Variants in CERKL observed in about 807,000 individuals in gnomAD.
CERKL encodes ceramide kinase-like protein.
CERKL carries 61 observed loss-of-function variants against 63.4 expected under a neutral mutation model. The observed-to-expected ratio is 0.96, with a 90% CI of 0.78 to 1.19. The LOEUF (loss-of-function observed/expected upper bound fraction) is 1.19, where lower values mean the gene tolerates loss of function less well. Among genes scored for constraint, CERKL ranks in the 50% most tolerant of loss-of-function variants. The pLI, the probability that CERKL is intolerant of heterozygous loss-of-function variation, is 0.00. For synonymous variants in CERKL, 250 were observed against 230.5 expected, an observed-to-expected ratio of 1.08 and a Z score of -0.77; for missense variants, 675 against 655.5, an observed-to-expected ratio of 1.03 and a Z score of -0.33.
chr2:181,604,787 A>T (rs1290812525), intron 1 of CERKL, among the ~76,000 whole-genome samples: 1 of 152,250 alleles, frequency 6.6e-6, no homozygotes, highest in African/African-American at 2.4e-5. Flanking sequence ...AAGTACAATT[A>T]TTGTGAGTAG....
intron 10 of CERKL, 112 bp from the exon 11 acceptor site, chr2:181,544,908 A>G: frequency 1.7e-6 from 1 of 601,030 alleles, no homozygotes. Context: ...AGTATTGGAC[A>G]AGATAGATAA....
intron 2 of CERKL, among the ~76,000 whole-genome samples, chr2:181,574,736 A>C (rs1190274661): frequency 6.6e-6 from 1 of 152,224 alleles, no homozygotes; most frequent in Non-Finnish European, 1.5e-5. Context: ...AGATTAAACA[A>C]GCAGTTATTA....
Position 181,558,616 on chromosome 2 carries a change from C to A in CERKL, c.770G>T (p.Arg257Leu), listed in dbSNP as rs762961333. ...CTGTGCTCTGACAGGAGTCAGGATT[C>A]GGTCTGTTTCCATCCCAGCATTCTT... ...AQKNAGMETD[R>L]ILTPVRAQLP... Residue 257 changes from arginine (R) to leucine (L), a missense_variant, in exon 5 of 13, where the codon CGA becomes CTA. Physicochemically the swap from Arg to Leu is moderately radical, Grantham distance 102 (BLOSUM62 -2). Transcript: ENST00000410087. This position sits in a 1 kb window ranked among gnomAD's most constrained non-coding sequence, Gnocchi z 4.2. 1 of 1,613,724 alleles carries A rather than the reference C, an allele frequency of 6.2e-7. No individual in the cohort carries two copies. The highest frequency in any genetic ancestry group is 1.1e-5 in the South Asian group (1 of 91,078).
Position 181,547,669 on chromosome 2 carries a change from G to A in CERKL, c.1217C>T (p.Ala406Val). The change falls in exon 10 of 13, where the codon GCA (alanine) becomes GTA (valine). Residue 406 changes from alanine (A) to valine (V), a missense_variant. By Grantham distance (64) the Ala-to-Val change is moderately conservative. Transcript: ENST00000410087. ...QGQFLNVSIMAIPCLCSVAPR... is the reference protein window; with the variant it reads ...QGQFLNVSIMVIPCLCSVAPR... ...TGCCACTGAACACAGGCAAGGAATT[G>A]CCATAATGCTGACATTCAAGAACTG... The A allele has an allele frequency of 1.9e-6, 3 of 1,614,046 alleles. No homozygotes were observed. The highest frequency in any genetic ancestry group is 3.3e-4 in the Middle Eastern group (2 of 6,062).
Position 181,544,947 on chromosome 2 carries a change from A to G in CERKL, c.1269-151T>C, listed in dbSNP as rs994598923. ...ACCATGTTACGTTTACCTAAAATTC[A>G]TAAACCGTATCTTGCTATTTTTTAA... On this transcript the variant is annotated intron_variant, in intron 10 of 12. Coordinates refer to ENST00000410087, the MANE Select transcript of CERKL (RefSeq NM_201548.5). 5.6e-6 allele frequency: 3 copies of G among 535,574 alleles called. No homozygotes were observed. In the African/African-American group the frequency reaches 5.8e-5, roughly 10 times the overall value. 33.2% of individuals were successfully genotyped at this position (535,574 alleles called of 1,614,324 possible).
chr2:181,559,806 C>G (rs1171371497), intron 4 of CERKL, among the ~76,000 whole-genome samples: 2 of 152,286 alleles, frequency 1.3e-5, no homozygotes, highest in Admixed American at 1.3e-4. Context: ...TCTTTCCAGT[C>G]AGTTCCCACC....
chr2:181,537,230 G>A lies in CERKL; in HGVS notation c.*954C>T, dbSNP rs11553356. 1 of 452,766 alleles carries A rather than the reference G, an allele frequency of 2.2e-6. No individual in the cohort carries two copies. Among genetic ancestry groups the A allele is most frequent in the Non-Finnish European group, 4.4e-6 (1 of 226,010 alleles). The allele number at this position is 452,766 out of a possible 1,614,324, so 28.0% of individuals were successfully genotyped here. A position where few individuals can be genotyped will look rare whatever the true frequency, so the allele number is the denominator to read the frequency against. ...GATTTAGAACTGTCTTCTCCAGGAT[G>A]GTCTCTAAGGAAATTTACATTTGGT... On this transcript the variant is annotated 3_prime_UTR_variant, in exon 13 of 13. Coordinates refer to ENST00000410087, the MANE Select transcript of CERKL (RefSeq NM_201548.5).
chr2:181,655,395 C>T (rs1386140017), intron 1 of CERKL, among the ~76,000 whole-genome samples: 2 of 152,178 alleles, frequency 1.3e-5, no homozygotes, highest in Non-Finnish European at 2.9e-5. Context: ...GCTCTTTGGG[C>T]TAATCCAAAC....
intron 2 of CERKL, among the ~76,000 whole-genome samples, chr2:181,593,305 G>T (rs74383478): frequency 6.6e-6 from 1 of 152,106 alleles, no homozygotes; most frequent in Non-Finnish European, 1.5e-5. Flanking sequence ...GCTATCTAGC[G>T]TGATCATCCT....
intron 1 of CERKL, among the ~76,000 whole-genome samples, chr2:181,637,872 T>G (rs76957970): frequency 1.1e-4 from 17 of 152,058 alleles, no homozygotes; most frequent in Non-Finnish European, 2.5e-4. Flanking sequence ...TAAAACATAG[T>G]AATTTGACTA....
At chr2:181,586,674 CA>C (rs543873061) in intron 2 of CERKL, among the ~76,000 whole-genome samples, 117 of 152,180 alleles carry the variant, frequency 7.7e-4, no homozygotes, top group Non-Finnish European at 1.4e-3. Flanking sequence ...ACAGAATGGC[CA>C]ACTGTTCCTC....
At chr2:181,652,843 C>T (rs528275581) in intron 1 of CERKL, among the ~76,000 whole-genome samples, 54 of 151,516 alleles carry the variant, frequency 3.6e-4, no homozygotes, top group African/African-American at 1.2e-3. Flanking sequence ...GGCACTATCT[C>T]GGCTCACTGC....
intron 1 of CERKL, among the ~76,000 whole-genome samples, chr2:181,655,655 TAG>T (rs1688123547): frequency 6.6e-6 from 1 of 152,256 alleles, no homozygotes; most frequent in African/African-American, 2.4e-5. Context: ...TTCATTTTGT[TAG>T]ACTTTTGAGC....
intron 1 of CERKL, among the ~76,000 whole-genome samples, chr2:181,614,631 G>T (rs1427378860): frequency 6.6e-6 from 1 of 152,036 alleles, no homozygotes; most frequent in Non-Finnish European, 1.5e-5. Flanking sequence ...TGATTCCCAT[G>T]CTAGCCACTT....
intron 3 of CERKL, among the ~76,000 whole-genome samples, chr2:181,570,980 T>C (rs1317664059): frequency 6.6e-6 from 1 of 152,144 alleles, no homozygotes; most frequent in Non-Finnish European, 1.5e-5. Context: ...CTCTTCCATA[T>C]ACTTTCAAAT....
At chr2:181,572,503 AT>A (rs1688948794) in intron 3 of CERKL, among the ~76,000 whole-genome samples, 2 of 152,210 alleles carry the variant, frequency 1.3e-5, no homozygotes, top group Non-Finnish European at 2.9e-5. Context: ...CAATATGTTT[AT>A]TCAACTTTTA....
At chr2:181,561,432 A>G (rs1574450544) in intron 4 of CERKL, among the ~76,000 whole-genome samples, 1 of 151,294 alleles carries the variant, frequency 6.6e-6, no homozygotes, top group South Asian at 2.1e-4. Context: ...AAAATAGATC[A>G]TAAGACTGAC....
In CERKL at chr2:181,536,789, T is replaced by TTTATGCTTATGATC. The variant is rs754903197; in HGVS notation, c.*1381_*1394dup. 14 of 253,460 alleles carry TTTATGCTTATGATC rather than the reference T, an allele frequency of 5.5e-5. No homozygotes were observed. In the South Asian group the frequency reaches 6.2e-4, roughly 11 times the overall value. The allele number at this position is 253,460 out of a possible 1,614,324, so 15.7% of individuals were successfully genotyped here. ...ATACAATCATTTTTGTAATATTTAT[T>TTTATGCTTATGATC]TTATGCTTATGATCTAGATAATTGC... On this transcript the variant is annotated 3_prime_UTR_variant, in exon 13 of 13. Coordinates refer to ENST00000410087, the MANE Select transcript of CERKL (RefSeq NM_201548.5).
At chr2:181,538,364 A>T in intron 12 of CERKL, 120 bp from the exon 13 acceptor site, 2 of 638,740 alleles carry the variant, frequency 3.1e-6, no homozygotes, top group South Asian at 1.9e-5. Context: ...CATTCCCAAC[A>T]GAGCTGTAAT....
Sources: allele counts gnomAD v4.1 joint callset (sites outside exome capture counted in the v4.1 genomes callset), GRCh38; gene constraint gnomAD v4.1.1; non-coding constraint Gnocchi (gnomAD v3.1); transcripts MANE v1.5; gene names NCBI Gene and HGNC (gene_info 2026-07-23, HGNC 2026-07-21).